The following EIPR1 variants were observed in gnomAD, a reference collection of about 807,000 sequenced individuals.
The protein encoded by EIPR1 is EARP complex and GARP complex interacting protein 1.
In EIPR1, 25 loss-of-function variants were observed where a neutral mutation model predicts 48.1. The observed-to-expected ratio is 0.52, with a 90% confidence interval of 0.38 to 0.73. The LOEUF (loss-of-function observed/expected upper bound fraction) is 0.73. Ranked by LOEUF, EIPR1 falls within the 30% of genes least tolerant of loss-of-function variation. The pLI, the probability that EIPR1 is intolerant of heterozygous loss-of-function variation, is 0.00. For missense variants in EIPR1, 415 were observed against 506.2 expected, an observed-to-expected ratio of 0.82 and a Z score of 1.73; for synonymous variants, 204 against 201.9, an observed-to-expected ratio of 1.01 and a Z score of -0.09.
At chr2:3,365,480 C>CT (rs11305564) in intron 1 of EIPR1, among the ~76,000 whole-genome samples, 2,518 of 146,806 alleles carry the variant, frequency 0.017, 53 homozygotes, top group Admixed American at 0.053. Flanking sequence ...TCAGAAAAAG[C>CT]TTTTTTTTTT....
At chr2:3,280,255 G>A (rs1667974599) in intron 3 of EIPR1, among the ~76,000 whole-genome samples, 1 of 152,214 alleles carries the variant, frequency 6.6e-6, no homozygotes, top group South Asian at 2.1e-4. Context: ...AAGCACCGTG[G>A]TGGTTACCCA....
At chr2:3,346,044 C>A (rs1258699491) in intron 2 of EIPR1, among the ~76,000 whole-genome samples, 1 of 152,200 alleles carries the variant, frequency 6.6e-6, no homozygotes, top group African/African-American at 2.4e-5. Context: ...GAGTCCACAC[C>A]ACTTCTCCCA....
At chr2:3,277,022 TA>T (rs1558267778) in intron 3 of EIPR1, among the ~76,000 whole-genome samples, 1 of 152,130 alleles carries the variant, frequency 6.6e-6, no homozygotes, top group Admixed American at 6.5e-5. Context: ...ATACTCTAAT[TA>T]AAAACGTAAG....
intron 5 of EIPR1, chr2:3,208,941 T>C (rs28705690): frequency 0.053 from 80,431 of 1,509,398 alleles, 2,940 homozygotes; most frequent in African/African-American, 0.18. Context: ...TCCTTCAGAA[T>C]GTTCAGATTC....
chr2:3,310,426 G>C (rs1669089059), intron 3 of EIPR1, among the ~76,000 whole-genome samples: 1 of 147,862 alleles, frequency 6.8e-6, no homozygotes, highest in African/African-American at 2.6e-5. Context: ...GGCCGAGGTG[G>C]GCGGATCACA....
At chr2:3,337,281 G>A (rs1407657245) in intron 3 of EIPR1, among the ~76,000 whole-genome samples, 2 of 152,178 alleles carry the variant, frequency 1.3e-5, no homozygotes, top group Non-Finnish European at 2.9e-5. Flanking sequence ...GTATGAGAGA[G>A]AAGATCAGAC....
rs1666531509 is a variant in EIPR1, at chr2:3,239,672, G to C, written c.416+17627C>G. ...GTGGCCCTGCCCTCAGCACGGTGCAGACCCTCAGGGCGTCCCTTCCTGGCT... is the reference window on the plus strand; with the variant it reads ...GTGGCCCTGCCCTCAGCACGGTGCACACCCTCAGGGCGTCCCTTCCTGGCT... On this transcript the variant is annotated intron_variant, in intron 4 of 8. Coordinates refer to ENST00000382125, the MANE Select transcript of EIPR1 (RefSeq NM_003310.5). Among the ~76,000 whole-genome samples, 4 of 150,994 alleles carry C rather than the reference G, an allele frequency of 2.6e-5. No homozygotes were observed. In the South Asian group the frequency reaches 8.5e-4, roughly 32 times the overall value.
chr2:3,326,073 C>T (rs1490708871), intron 3 of EIPR1, among the ~76,000 whole-genome samples: 3 of 150,062 alleles, frequency 2.0e-5, no homozygotes, highest in South Asian at 2.1e-4. Flanking sequence ...TGCAGCACTG[C>T]CCCCCTCTCC....
At chr2:3,196,115 G>A (rs1163755432) in intron 6 of EIPR1, among the ~76,000 whole-genome samples, 3 of 152,184 alleles carry the variant, frequency 2.0e-5, no homozygotes, top group East Asian at 1.9e-4. Context: ...CCCTCTGCAC[G>A]GACGTGCACA....
At chr2:3,371,097 GA>G (rs1671103704) in intron 1 of EIPR1, among the ~76,000 whole-genome samples, 1 of 152,160 alleles carries the variant, frequency 6.6e-6, no homozygotes, top group South Asian at 2.1e-4. Context: ...CATTCTTAAA[GA>G]AAATAATTTT....
At chr2:3,308,061 C>T (rs1203104239) in intron 3 of EIPR1, among the ~76,000 whole-genome samples, 3 of 152,194 alleles carry the variant, frequency 2.0e-5, no homozygotes, top group Non-Finnish European at 4.4e-5. Context: ...AACATTCCAG[C>T]GCTGGCCGAC....
At chr2:3,322,771 G>A (rs1028580886) in intron 3 of EIPR1, among the ~76,000 whole-genome samples, 5 of 152,184 alleles carry the variant, frequency 3.3e-5, no homozygotes, top group African/African-American at 7.2e-5. Flanking sequence ...CTTGCACTGC[G>A]CAGGTGGCCT....
intron 4 of EIPR1, among the ~76,000 whole-genome samples, chr2:3,217,187 A>C (rs906056998): frequency 1.3e-5 from 2 of 152,204 alleles, no homozygotes; most frequent in Non-Finnish European, 2.9e-5. Context: ...GAAGGAAGCA[A>C]AAATACAGGA....
intron 3 of EIPR1, among the ~76,000 whole-genome samples, chr2:3,284,723 G>A (rs575869684): frequency 4.6e-5 from 7 of 152,304 alleles, no homozygotes; most frequent in South Asian, 2.1e-4. Flanking sequence ...ATTCCAACTC[G>A]AGTCTGCCCA....
chr2:3,331,044 A>C (rs929241185), intron 3 of EIPR1, among the ~76,000 whole-genome samples: 6 of 145,234 alleles, frequency 4.1e-5, no homozygotes, highest in African/African-American at 1.5e-4. Context: ...GCATGTGTAC[A>C]CTCATGAGAC....
chr2:3,190,454 G>T (rs1664566345), intron 8 of EIPR1, among the ~76,000 whole-genome samples: 1 of 152,162 alleles, frequency 6.6e-6, no homozygotes, highest in Non-Finnish European at 1.5e-5. Context: ...CTGCTGTTGT[G>T]GGACAAATGC....
chr2:3,295,504 TAC>T (rs1668538632), intron 3 of EIPR1, among the ~76,000 whole-genome samples: 1 of 19,894 alleles, frequency 5.0e-5, no homozygotes, highest in Non-Finnish European at 9.3e-5. Flanking sequence ...TCTGCACACA[TAC>T]ACCCTCCATC....
chr2:3,295,195 T>TAC (rs145901031), intron 3 of EIPR1, among the ~76,000 whole-genome samples: 9 of 130,826 alleles, frequency 6.9e-5, no homozygotes, highest in African/African-American at 8.9e-5. Flanking sequence ...TTGTCCTCTC[T>TAC]ACACACACAC....
intron 5 of EIPR1, among the ~76,000 whole-genome samples, chr2:3,211,536 G>T (rs976582792): frequency 6.6e-6 from 1 of 152,216 alleles, no homozygotes; most frequent in Non-Finnish European, 1.5e-5. Context: ...TGCTGCTGTC[G>T]CTAGGAGTGC....
Sources: gnomAD v4.1 joint callset for allele counts (sites outside exome capture counted in the v4.1 genomes callset) on GRCh38, gnomAD v4.1.1 for gene constraint, MANE v1.5 for transcripts, NCBI Gene and HGNC (gene_info 2026-07-23, HGNC 2026-07-21) for gene names.